The following VAV2 variants were observed in gnomAD, a reference collection of about 807,000 sequenced individuals.
VAV2 encodes vav guanine nucleotide exchange factor 2, also known as guanine nucleotide exchange factor VAV2.
VAV2 carries 67 observed loss-of-function variants against 132.5 expected under a neutral mutation model. That is an observed-to-expected ratio of 0.51 (90% CI 0.42 to 0.62). The LOEUF (loss-of-function observed/expected upper bound fraction) is 0.62, where lower values mean the gene tolerates loss of function less well. Among genes scored for constraint, VAV2 ranks in the 20% least tolerant of loss-of-function variants. VAV2 has a pLI of 0.00. For missense variants in VAV2, 938 were observed against 1,153.6 expected, an observed-to-expected ratio of 0.81 and a Z score of 2.71; for synonymous variants, 492 against 443.5, an observed-to-expected ratio of 1.11 and a Z score of -1.37.
chr9:133,818,313 G>T lies in VAV2; in HGVS notation c.450-6097C>A, dbSNP rs771612468. Among the ~76,000 whole-genome samples the T allele has an allele frequency of 3.3e-5, 5 of 151,048 alleles. No homozygotes were observed. In the East Asian group the frequency reaches 9.8e-4, roughly 30 times the overall value. On this transcript the variant is annotated intron_variant, in intron 4 of 29. Transcript: ENST00000371850. Reference sequence around the variant, plus strand: ...CCTGGGAGGCAGAGCTTGCAGTGAGGTGAGATCGCGCCACTGCACTCCAGC... The same window carrying T: ...CCTGGGAGGCAGAGCTTGCAGTGAGTTGAGATCGCGCCACTGCACTCCAGC...
intron 1 of VAV2, among the ~76,000 whole-genome samples, chr9:133,975,150 C>A (rs1363264390): frequency 6.6e-6 from 1 of 152,230 alleles, no homozygotes; most frequent in Admixed American, 6.5e-5. Flanking sequence ...TCAACTCCTA[C>A]CCCGAGGCAG....
rs1834961521 is a variant in VAV2 at position 133,802,315 on chromosome 9, C to T, written c.836+3766G>A. 7.5e-6 allele frequency among the ~76,000 whole-genome samples: 1 copy of T among 133,634 alleles called. No homozygotes were observed. The allele number at this position is 133,634 out of a possible 152,430, so 87.7% of individuals were successfully genotyped here. On this transcript the variant is annotated intron_variant, in intron 9 of 29. Coordinates refer to ENST00000371850, the MANE Select transcript of VAV2 (RefSeq NM_001134398.2). The surrounding 1 kb of genome is among the most constrained non-coding windows in gnomAD (Gnocchi z 5.8). ...ATGCATGTGCACACAAACACACAAG[C>T]ACGCGTGTACACACACACACACACA...
chr9:133,790,944 G>A (rs930319185), intron 13 of VAV2, among the ~76,000 whole-genome samples: 1 of 152,110 alleles, frequency 6.6e-6, no homozygotes, highest in African/African-American at 2.4e-5. Context: ...AGGACCCTCT[G>A]GTAATGTCCA....
chr9:133,920,736 C>T (rs1239341810), intron 2 of VAV2, among the ~76,000 whole-genome samples: 1 of 152,168 alleles, frequency 6.6e-6, no homozygotes, highest in Admixed American at 6.5e-5. Flanking sequence ...TGTCTCCCCA[C>T]AGCAGGCCAG....
rs1315511170 is a variant in VAV2, at chr9:133,819,280, T to TA, written c.450-7065dup. Among the ~76,000 whole-genome samples, 4 of 144,402 alleles carry TA rather than the reference T, an allele frequency of 2.8e-5. No individual in the cohort carries two copies. The South Asian group carries it at 8.9e-4, about 32-fold the overall frequency. 94.7% of individuals were successfully genotyped at this position (144,402 alleles called of 152,430 possible). A position where few individuals can be genotyped will look rare whatever the true frequency, so the allele number is the denominator to read the frequency against. Reference sequence around the variant, plus strand: ...TAACACAGTGAAACCCCGTCTCTACTAAAAAATACAAAAAAAAAATTAGCC... The same window carrying TA: ...TAACACAGTGAAACCCCGTCTCTACTAAAAAAATACAAAAAAAAAATTAGCC... On this transcript the variant is annotated intron_variant, in intron 4 of 29. Coordinates refer to ENST00000371850, the MANE Select transcript of VAV2 (RefSeq NM_001134398.2).
At position 133,772,812 on chromosome 9, in the gene VAV2, C is replaced by T. The variant is rs186021613; in HGVS notation, c.2136-766G>A. On this transcript the variant is annotated intron_variant, in intron 25 of 29. Coordinates refer to ENST00000371850, the MANE Select transcript of VAV2 (RefSeq NM_001134398.2). ...TGCTTCCATCACTGTACGAACGCCACGGAGTGCATTTATATAAGTCTGGAT... is the reference window on the plus strand; with the variant it reads ...TGCTTCCATCACTGTACGAACGCCATGGAGTGCATTTATATAAGTCTGGAT... Among the ~76,000 whole-genome samples the T allele has an allele frequency of 4.6e-5, 7 of 152,316 alleles. No individual in the cohort carries two copies. In the East Asian group the frequency reaches 7.7e-4, roughly 17 times the overall value.
chr9:133,822,180 CAA>C (rs1277576319), intron 4 of VAV2, among the ~76,000 whole-genome samples: 7 of 152,204 alleles, frequency 4.6e-5, no homozygotes, highest in African/African-American at 1.7e-4. Context: ...AGAAAACCAA[CAA>C]ACTCTGCTTT....
At chr9:133,789,800 C>T (rs958896493) in intron 13 of VAV2, among the ~76,000 whole-genome samples, 3 of 152,240 alleles carry the variant, frequency 2.0e-5, no homozygotes, top group African/African-American at 4.8e-5. Context: ...CTGTGTGGTT[C>T]GCTGAGGTTC....
chr9:133,981,449 G>A (rs1023076061), intron 1 of VAV2, among the ~76,000 whole-genome samples: 2 of 152,192 alleles, frequency 1.3e-5, no homozygotes, highest in African/African-American at 4.8e-5. Flanking sequence ...CAGGCCGCCC[G>A]CTGCACTCTG....
chr9:133,941,914 T>A (rs909624446), intron 1 of VAV2, among the ~76,000 whole-genome samples: 1 of 152,134 alleles, frequency 6.6e-6, no homozygotes, highest in Non-Finnish European at 1.5e-5. Context: ...GTGATTCCAC[T>A]TTCATGAGGC....
At chr9:133,986,129 TAAC>T (rs1842850475) in intron 1 of VAV2, among the ~76,000 whole-genome samples, 1 of 152,184 alleles carries the variant, frequency 6.6e-6, no homozygotes, top group Admixed American at 6.5e-5. Flanking sequence ...GGAAACCAAG[TAAC>T]TTTACAGTGA....
At chr9:133,777,195 G>T (rs563986378) in intron 23 of VAV2, among the ~76,000 whole-genome samples, 194 bp downstream of exon 23, 1 of 152,192 alleles carries the variant, frequency 6.6e-6, no homozygotes, top group African/African-American at 2.4e-5. Flanking sequence ...CCTTTAAACA[G>T]AGGAGAGCGT....
At chr9:133,887,129 C>T (rs1838743620) in intron 2 of VAV2, among the ~76,000 whole-genome samples, 1 of 152,156 alleles carries the variant, frequency 6.6e-6, no homozygotes, top group Non-Finnish European at 1.5e-5. Context: ...AATCGCACCT[C>T]CTTTGGGGCA....
chr9:133,985,338 G>T (rs1018538213), intron 1 of VAV2, among the ~76,000 whole-genome samples: 2 of 152,006 alleles, frequency 1.3e-5, no homozygotes, highest in African/African-American at 4.8e-5. Context: ...CTGGAGTGCA[G>T]TGGCACAATC....
rs921478564 is a variant in VAV2 at position 133,897,985 on chromosome 9, G to A, written c.322-36553C>T. On this transcript the variant is annotated intron_variant, in intron 2 of 29. Transcript: ENST00000371850. Reference sequence around the variant, plus strand: ...AGAGACAGGCAGCTGGCTTGCTGGTGGTTGGAAGGGGCCCAGCAGGGCTTA... The same window carrying A: ...AGAGACAGGCAGCTGGCTTGCTGGTAGTTGGAAGGGGCCCAGCAGGGCTTA... Among the ~76,000 whole-genome samples, 4 of 152,242 alleles carry A rather than the reference G, an allele frequency of 2.6e-5. No individual in the cohort carries two copies. In the South Asian group the frequency reaches 8.3e-4, roughly 32 times the overall value.
chr9:133,857,291 C>T lies in VAV2; in HGVS notation c.380+4083G>A, dbSNP rs1234684017. Among the ~76,000 whole-genome samples, 1 of 152,206 alleles carries T rather than the reference C, an allele frequency of 6.6e-6. No individual in the cohort carries two copies. The highest frequency in any genetic ancestry group is 2.4e-5 in the African/African-American group (1 of 41,450). The stretch of plus-strand genomic sequence containing the variant: ...GTGCCTTCCACAAACCCCTCTCCCA[C>T]TCTACAACCACAATCCTCCCCCTTG... On this transcript the variant is annotated intron_variant, in intron 3 of 29. Coordinates refer to ENST00000371850, the MANE Select transcript of VAV2 (RefSeq NM_001134398.2). This position sits in a 1 kb window ranked among gnomAD's most constrained non-coding sequence, Gnocchi z 4.0.
intron 22 of VAV2, 86 bp from the exon 23 acceptor site, chr9:133,777,549 C>A: frequency 7.7e-7 from 1 of 1,304,450 alleles, no homozygotes; most frequent in Non-Finnish European, 1.1e-6. Context: ...TCAGCGTATG[C>A]CAATCCCGCT....
intron 13 of VAV2, among the ~76,000 whole-genome samples, chr9:133,789,718 C>T (rs1307702316): frequency 7.0e-6 from 1 of 142,484 alleles, no homozygotes; most frequent in African/African-American, 2.5e-5. Flanking sequence ...CAGGAGAGAA[C>T]AAACAGCGCC....
intron 1 of VAV2, among the ~76,000 whole-genome samples, chr9:133,949,625 A>C (rs541448365): frequency 2.0e-5 from 3 of 152,344 alleles, no homozygotes; most frequent in Admixed American, 1.3e-4. Context: ...CGAGATGGGA[A>C]ACAGGCTTCC....
Sources: gnomAD v4.1 joint callset for allele counts (sites outside exome capture counted in the v4.1 genomes callset) on GRCh38, gnomAD v4.1.1 for gene constraint, Gnocchi (gnomAD v3.1) non-coding constraint, MANE v1.5 for transcripts, NCBI Gene and HGNC (gene_info 2026-07-23, HGNC 2026-07-21) for gene names.